DOCK4: variants seen among roughly 807,000 people sequenced by gnomAD.
DOCK4 encodes the protein dedicator of cytokinesis protein 4.
In DOCK4, 97 loss-of-function variants were observed where a neutral mutation model predicts 268.1. The observed-to-expected ratio is 0.36, with a 90% CI of 0.31 to 0.43. The LOEUF (loss-of-function observed/expected upper bound fraction) is 0.43, where lower values mean the gene tolerates loss of function less well. Ranked by LOEUF, DOCK4 falls within the 20% of genes least tolerant of loss-of-function variation. DOCK4 has a pLI of 1.00. For missense variants in DOCK4, 2,145 were observed against 2,455.7 expected (o/e 0.87, Z 2.67); for synonymous variants, 954 against 887.2 (o/e 1.08, Z -1.34).
chr7:111,888,139 ATGGACCCACAT>A, intron 16 of DOCK4, among the ~76,000 whole-genome samples: 1 of 151,610 alleles, frequency 6.6e-6, no homozygotes, highest in Non-Finnish European at 1.5e-5. Context: ...TGCAATGTTG[ATGGACCCACAT>A]CTATACCCAG....
At chr7:112,151,733 G>A (rs1372781183) in intron 1 of DOCK4, among the ~76,000 whole-genome samples, 2 of 148,878 alleles carry the variant, frequency 1.3e-5, no homozygotes, top group African/African-American at 2.5e-5. Context: ...TTTCAATAAT[G>A]AGGAAAGTTC....
At chr7:111,871,338 C>T (rs1806414550) in intron 20 of DOCK4, among the ~76,000 whole-genome samples, 1 of 152,148 alleles carries the variant, frequency 6.6e-6, no homozygotes, top group Admixed American at 6.5e-5. Flanking sequence ...TGGCCTCTGG[C>T]AATTATCAAC....
At chr7:112,182,713 C>G (rs543833651) in intron 1 of DOCK4, among the ~76,000 whole-genome samples, 64 of 152,170 alleles carry the variant, frequency 4.2e-4, no homozygotes, top group Non-Finnish European at 8.1e-4. Flanking sequence ...ACAGAAGAAG[C>G]AGGTCAAACT....
chr7:111,747,469 A>G, intron 42 of DOCK4, 26 bp from the exon 43 acceptor site: 3 of 1,547,788 alleles, frequency 1.9e-6, no homozygotes, highest in Non-Finnish European at 1.7e-6. Context: ...ACATAAATAT[A>G]TATTGAATTT....
chr7:111,804,516 T>G (rs1337229350), intron 30 of DOCK4, among the ~76,000 whole-genome samples: 1 of 152,182 alleles, frequency 6.6e-6, no homozygotes, highest in Non-Finnish European at 1.5e-5. Flanking sequence ...TGGATGGTGG[T>G]GATGGTTGCA....
rs1166739338 is a variant in DOCK4 at position 111,851,274 on chromosome 7, C to A, written c.2474-4148G>T. ...GCTGGCTAACACAATGAAACCCCGT[C>A]TCTACTAAAAATACAAAAAATTAGC... On this transcript the variant is annotated intron_variant, in intron 23 of 52. Coordinates refer to ENST00000428084, the MANE Select transcript of DOCK4 (RefSeq NM_001363540.2). Among the ~76,000 whole-genome samples, 11 of 152,066 alleles carry A rather than the reference C, an allele frequency of 7.2e-5. No individual in the cohort carries two copies. In the East Asian group the frequency reaches 2.1e-3, roughly 30 times the overall value.
chr7:112,126,114 T>C (rs1175655178), intron 1 of DOCK4, among the ~76,000 whole-genome samples: 1 of 152,232 alleles, frequency 6.6e-6, no homozygotes, highest in Non-Finnish European at 1.5e-5. Flanking sequence ...ACTATTCTTA[T>C]TATTGAAGAA....
intron 43 of DOCK4, 24 bp downstream of exon 43, chr7:111,747,243 G>C (rs372058760): frequency 3.8e-6 from 6 of 1,591,460 alleles, no homozygotes; most frequent in Admixed American, 1.8e-5. Context: ...AACTTTCTCT[G>C]AAACAACAAT....
intron 6 of DOCK4, 29 bp from the exon 7 acceptor site, chr7:111,984,419 G>A (rs1281504519): frequency 1.3e-6 from 2 of 1,585,156 alleles, no homozygotes; most frequent in South Asian, 1.1e-5. Context: ...AAGTTTGGGG[G>A]AAAAGTTACC....
intron 6 of DOCK4, among the ~76,000 whole-genome samples, chr7:111,986,647 G>A (rs1410378435): frequency 1.3e-5 from 2 of 152,140 alleles, no homozygotes; most frequent in Non-Finnish European, 2.9e-5. Context: ...TTAACTGATT[G>A]CCTCCTCCCA....
At chr7:111,784,586 G>T (rs1439104566) in intron 32 of DOCK4, 2 of 412,198 alleles carry the variant, frequency 4.9e-6, no homozygotes, top group African/African-American at 4.1e-5. Context: ...CCATGTGGTT[G>T]TTACAGCAGA....
chr7:112,119,268 C>T (rs2115860199), intron 1 of DOCK4, among the ~76,000 whole-genome samples: 1 of 152,270 alleles, frequency 6.6e-6, no homozygotes, highest in African/African-American at 2.4e-5. Context: ...GCCTCCGCCC[C>T]ATTCCACCCC....
chr7:112,181,620 A>T (rs1819043494), intron 1 of DOCK4, among the ~76,000 whole-genome samples: 1 of 143,288 alleles, frequency 7.0e-6, no homozygotes, highest in South Asian at 2.3e-4. Context: ...AGCCTGAGCA[A>T]CAGAGTAAGA....
intron 1 of DOCK4, among the ~76,000 whole-genome samples, chr7:112,008,106 C>T (rs1456650212): frequency 2.0e-5 from 3 of 151,980 alleles, no homozygotes; most frequent in Non-Finnish European, 2.9e-5. Flanking sequence ...TTAGTAGCTA[C>T]AGGAAACAAT....
intron 44 of DOCK4, among the ~76,000 whole-genome samples, chr7:111,743,885 T>C (rs1215377360): frequency 6.6e-6 from 1 of 152,182 alleles, no homozygotes; most frequent in Non-Finnish European, 1.5e-5. Flanking sequence ...AGTGGTGTGA[T>C]CATAGCTCAC....
rs1256516746 is a variant in DOCK4, at chr7:111,994,031, G to T, written c.315+104C>A. 6.3e-6 allele frequency: 4 copies of T among 634,258 alleles called. No individual in the cohort carries two copies. In the East Asian group the frequency reaches 1.0e-4, roughly 17 times the overall value. The allele number at this position is 634,258 out of a possible 1,614,324, so 39.3% of individuals were successfully genotyped here. ...ATATCTATATCCCCAAGGAGTCCTG[G>T]AGACTTGCAGAAGGTGCTATATTAG... On this transcript the variant is annotated intron_variant, in intron 5 of 52. Transcript: ENST00000428084.
chr7:111,816,181 T>A (rs1801538341), intron 27 of DOCK4, among the ~76,000 whole-genome samples: 1 of 152,186 alleles, frequency 6.6e-6, no homozygotes, highest in South Asian at 2.1e-4. Context: ...TAATTTTTTT[T>A]AATTACTCCA....
intron 1 of DOCK4, among the ~76,000 whole-genome samples, chr7:112,051,308 G>A (rs917335005): frequency 6.6e-6 from 1 of 152,042 alleles, no homozygotes; most frequent in African/African-American, 2.4e-5. Context: ...GATGAGGTAG[G>A]ACACTTCAAC....
At chr7:111,731,037 A>G (rs1464059703) in intron 52 of DOCK4, among the ~76,000 whole-genome samples, 1 of 152,206 alleles carries the variant, frequency 6.6e-6, no homozygotes, top group Non-Finnish European at 1.5e-5. Context: ...GGCAAATGTA[A>G]AAGTGCGGAA....
Sources: gnomAD v4.1 joint callset for allele counts (sites outside exome capture counted in the v4.1 genomes callset) on GRCh38, gnomAD v4.1.1 for gene constraint, MANE v1.5 for transcripts, NCBI Gene and HGNC (gene_info 2026-07-23, HGNC 2026-07-21) for gene names.